Variants in PAK3 observed in about 807,000 individuals in gnomAD.
PAK3 encodes the protein p21 (RAC1) activated kinase 3.
A neutral mutation model predicts 41.0 loss-of-function variants in PAK3; 4 were observed. The observed-to-expected ratio is 0.10, with a 90% CI of 0.05 to 0.22. The LOEUF (loss-of-function observed/expected upper bound fraction) is 0.22, where lower values mean the gene tolerates loss of function less well. Among genes scored for constraint, PAK3 ranks in the 10% least tolerant of loss-of-function variants. The pLI is 1.00. For missense variants in PAK3, 205 were observed against 409.9 expected, an observed-to-expected ratio of 0.50 and a Z score of 4.32; for synonymous variants, 146 against 139.6, an observed-to-expected ratio of 1.05 and a Z score of -0.32.
intron 1 of PAK3, among the ~76,000 whole-genome samples, chrX:110,961,610 A>G (rs1034961709): frequency 3.6e-5 from 4 of 111,487 alleles, no homozygotes; most frequent in African/African-American, 1.3e-4. Context: ...AAATATCTAC[A>G]ATCTCTTTTG....
At chrX:111,203,379 TC>T (rs1362692101) in intron 16 of PAK3, among the ~76,000 whole-genome samples, 1 of 111,893 alleles carries the variant, frequency 8.9e-6, no homozygotes, top group African/African-American at 3.2e-5. Flanking sequence ...TATGCTATTT[TC>T]TTTTGCAATT....
chrX:111,196,555 C>T lies in PAK3; in HGVS notation c.1322C>T (p.Pro441Leu), dbSNP rs2094614523. 2.5e-6 allele frequency: 3 copies of T among 1,202,481 alleles called. No homozygotes were observed. Among genetic ancestry groups the T allele is most frequent in the African/African-American group, 1.8e-5 (1 of 56,863 alleles). Residue 441 changes from proline to leucine, a missense_variant, in exon 16 of 18, where the codon CCG becomes CTG. By Grantham distance (98) the Pro-to-Leu change is moderately conservative. Around this residue, in one of 5 missense-constraint regions of PAK3, gnomAD observed 42 missense variants for 152.7 expected, o/e 0.28. Transcript: ENST00000372007. ...GTGGTGACTCGAAAAGCTTATGGTC[C>T]GAAAGTTGATATCTGGTCTCTTGGA... ...PEVVTRKAYG[P>L]KVDIWSLGIM...
intron 4 of PAK3, among the ~76,000 whole-genome samples, chrX:111,109,172 T>A (rs776206018): frequency 1.8e-5 from 2 of 112,142 alleles, no homozygotes; most frequent in African/African-American, 6.5e-5. Context: ...GACACTAATG[T>A]CATCTACCTC....
intron 16 of PAK3, among the ~76,000 whole-genome samples, chrX:111,210,121 G>A (rs373927415): frequency 3.6e-5 from 4 of 111,411 alleles, no homozygotes; most frequent in African/African-American, 6.5e-5. Context: ...GAAAGCCACC[G>A]TTTTTCTGGC....
intron 1 of PAK3, among the ~76,000 whole-genome samples, chrX:111,001,531 CG>C (rs1236843359): frequency 8.9e-6 from 1 of 111,927 alleles, no homozygotes; most frequent in Non-Finnish European, 1.9e-5. Context: ...GTAGCACAAA[CG>C]GGTGGGCTGA....
intron 1 of PAK3, among the ~76,000 whole-genome samples, chrX:111,024,331 C>T (rs907139152): frequency 5.4e-5 from 6 of 111,404 alleles, no homozygotes; most frequent in Non-Finnish European, 1.1e-4. Flanking sequence ...TAGAGTGATG[C>T]CTCCAGCTTT....
chrX:110,997,322 A>G (rs950142756), intron 1 of PAK3, among the ~76,000 whole-genome samples: 1 of 111,580 alleles, frequency 9.0e-6, no homozygotes, highest in African/African-American at 3.3e-5. Context: ...TAGGCTTACT[A>G]TATATGGTAT....
At chrX:111,119,614 A>G (rs763215757) in intron 4 of PAK3, among the ~76,000 whole-genome samples, 2 of 112,533 alleles carry the variant, frequency 1.8e-5, no homozygotes, top group Non-Finnish European at 3.8e-5. Context: ...AAATAATGAC[A>G]TCATAGGCAG....
At chrX:111,025,082 A>G (rs1212785655) in intron 1 of PAK3, among the ~76,000 whole-genome samples, 1 of 111,536 alleles carries the variant, frequency 9.0e-6, no homozygotes, top group Non-Finnish European at 1.9e-5. Context: ...ATGGAAATTA[A>G]AATAATTATT....
intron 8 of PAK3, among the ~76,000 whole-genome samples, chrX:111,160,616 C>A (rs1207084379): frequency 9.3e-6 from 1 of 107,908 alleles, no homozygotes; most frequent in Non-Finnish European, 1.9e-5. Context: ...TCCCTCCCCG[C>A]TCCCCCCACC....
intron 1 of PAK3, among the ~76,000 whole-genome samples, chrX:110,966,618 T>C (rs2053029992): frequency 9.0e-6 from 1 of 111,271 alleles, no homozygotes; most frequent in African/African-American, 3.3e-5. Flanking sequence ...TTTAGAAGAA[T>C]GTTTATTGAA....
At chrX:110,970,060 C>T (rs947731296) in intron 1 of PAK3, among the ~76,000 whole-genome samples, 1 of 111,988 alleles carries the variant, frequency 8.9e-6, no homozygotes, top group Non-Finnish European at 1.9e-5. Flanking sequence ...ACCTAAATAA[C>T]TCATTTCTTG....
At chrX:111,217,583 C>T in intron 17 of PAK3, 2 of 956,833 alleles carry the variant, frequency 2.1e-6, no homozygotes, top group Non-Finnish European at 2.7e-6. Context: ...AAAACTATCC[C>T]ACCCTAACTC....
chrX:111,024,082 G>A (rs1020059610), intron 1 of PAK3, among the ~76,000 whole-genome samples: 2 of 111,861 alleles, frequency 1.8e-5, no homozygotes, highest in African/African-American at 6.5e-5. Flanking sequence ...ATGATGTAAG[G>A]AAGGGATCCA....
At chrX:111,076,068 T>C (rs1227631871) in intron 1 of PAK3, among the ~76,000 whole-genome samples, 1 of 112,157 alleles carries the variant, frequency 8.9e-6, no homozygotes, top group African/African-American at 3.2e-5. Flanking sequence ...AGTGAATAAG[T>C]TGTTTTTTTT....
intron 1 of PAK3, among the ~76,000 whole-genome samples, chrX:110,979,296 C>CTTTT (rs869275249): frequency 2.2e-4 from 2 of 9,078 alleles, no homozygotes; most frequent in African/African-American, 3.4e-4. Context: ...TATTACTTTT[C>CTTTT]TTTTTTTTTT....
chrX:111,071,330 C>T (rs1425374165), intron 1 of PAK3, among the ~76,000 whole-genome samples: 1 of 112,108 alleles, frequency 8.9e-6, no homozygotes, highest in East Asian at 2.8e-4. Flanking sequence ...ACAGTGACCA[C>T]ATAAGTAGCT....
chrX:111,039,153 T>C (rs1200715070), intron 1 of PAK3, among the ~76,000 whole-genome samples: 1 of 112,463 alleles, frequency 8.9e-6, no homozygotes, highest in Non-Finnish European at 1.9e-5. Flanking sequence ...AATTGATCAA[T>C]ACAATTCACA....
At chrX:111,063,005 A>C (rs2092670054) in intron 1 of PAK3, among the ~76,000 whole-genome samples, 1 of 110,733 alleles carries the variant, frequency 9.0e-6, no homozygotes, top group Admixed American at 9.6e-5. Context: ...CTAAAAAAAA[A>C]CTCTTACTTC....
Sources: allele counts gnomAD v4.1 joint callset (sites outside exome capture counted in the v4.1 genomes callset), GRCh38; gene constraint gnomAD v4.1.1; regional missense constraint gnomAD v4.1.1; transcripts MANE v1.5; gene names NCBI Gene and HGNC (gene_info 2026-07-23, HGNC 2026-07-21).